The following SNX13 variants were observed in gnomAD, a reference collection of about 807,000 sequenced individuals.
SNX13 encodes sorting nexin-13.
Under a neutral mutation model 133.6 loss-of-function variants are expected in SNX13, and 45 were observed. The observed-to-expected ratio is 0.34, with a 90% CI of 0.27 to 0.43. The LOEUF is 0.43. Ranked by LOEUF, SNX13 falls within the 20% of genes least tolerant of loss-of-function variation. The probability of loss-of-function intolerance (pLI) is 1.00; values close to 1 mark genes in which losing one functional copy is unlikely to be tolerated. For synonymous variants in SNX13, 414 were observed against 373.9 expected, an observed-to-expected ratio of 1.11 and a Z score of -1.24; for missense variants, 1,032 against 1,145.1, an observed-to-expected ratio of 0.90 and a Z score of 1.43.
chr7:17,930,309 G>A (rs1038613741), intron 1 of SNX13, among the ~76,000 whole-genome samples: 2 of 152,078 alleles, frequency 1.3e-5, no homozygotes, highest in Non-Finnish European at 2.9e-5. Flanking sequence ...GCTCGGAATC[G>A]AGAAAACTTA....
At chr7:17,852,064 G>C (rs1791277618) in intron 9 of SNX13, among the ~76,000 whole-genome samples, 1 of 152,180 alleles carries the variant, frequency 6.6e-6, no homozygotes, top group African/African-American at 2.4e-5. Context: ...GTTCTAACAA[G>C]CCAAGTAAAG....
chr7:17,928,036 GT>G (rs1800960768), intron 1 of SNX13, among the ~76,000 whole-genome samples: 1 of 152,122 alleles, frequency 6.6e-6, no homozygotes, highest in South Asian at 2.1e-4. Context: ...ATATTTACAA[GT>G]TTTGACTTCT....
At chr7:17,855,875 T>C (rs1477064089) in intron 9 of SNX13, among the ~76,000 whole-genome samples, 1 of 152,236 alleles carries the variant, frequency 6.6e-6, no homozygotes. Flanking sequence ...CTATGGATAT[T>C]TGCTCTAGAT....
chr7:17,859,219 A>AT (rs1274820628), intron 9 of SNX13, among the ~76,000 whole-genome samples: 30 of 152,124 alleles, frequency 2.0e-4, no homozygotes, highest in African/African-American at 6.8e-4. Flanking sequence ...TCTATGTAGA[A>AT]TATACGAAGC....
rs1007175037 is a variant in SNX13, at chr7:17,862,391, T to G, written c.837+6016A>C. Among the ~76,000 whole-genome samples, 18 of 152,162 alleles carry G rather than the reference T, an allele frequency of 1.2e-4. 1 individual carries two copies. The highest frequency in any genetic ancestry group is 9.2e-4 in the Admixed American group (14 of 15,276). On this transcript the variant is annotated intron_variant, in intron 9 of 25. Transcript: ENST00000428135. ...ATTTTGCATGTAAGTTTCTACCGCTTAAAAACATACTATTTTATTACATAA... is the reference window on the plus strand; with the variant it reads ...ATTTTGCATGTAAGTTTCTACCGCTGAAAAACATACTATTTTATTACATAA...
At chr7:17,874,661 C>G (rs1794503075) in intron 7 of SNX13, among the ~76,000 whole-genome samples, 1 of 152,212 alleles carries the variant, frequency 6.6e-6, no homozygotes, top group Non-Finnish European at 1.5e-5. Flanking sequence ...AAGGGCTTTT[C>G]TATAGTTGTT....
intron 20 of SNX13, among the ~76,000 whole-genome samples, chr7:17,805,029 A>G (rs959956898): frequency 6.6e-6 from 1 of 152,224 alleles, no homozygotes; most frequent in African/African-American, 2.4e-5. Flanking sequence ...AGCTCAGCCA[A>G]TAGTACCATA....
chr7:17,926,010 C>T (rs1006546903), intron 1 of SNX13, among the ~76,000 whole-genome samples: 6 of 152,044 alleles, frequency 3.9e-5, no homozygotes, highest in African/African-American at 1.2e-4. Flanking sequence ...TTTTTAAATT[C>T]TTTAGCCTGG....
intron 9 of SNX13, among the ~76,000 whole-genome samples, chr7:17,855,623 T>C (rs917186607): frequency 6.6e-6 from 1 of 152,222 alleles, no homozygotes; most frequent in Non-Finnish European, 1.5e-5. Context: ...TAATAGCATG[T>C]CTGTTTACAA....
chr7:17,875,168 A>AT (rs1271651898), intron 7 of SNX13, among the ~76,000 whole-genome samples: 1 of 152,008 alleles, frequency 6.6e-6, no homozygotes, highest in Non-Finnish European at 1.5e-5. Flanking sequence ...GGGTTTCGCC[A>AT]TGTTGCCTAG....
chr7:17,829,685 C>T (rs1788269675), intron 16 of SNX13, among the ~76,000 whole-genome samples: 1 of 150,902 alleles, frequency 6.6e-6, no homozygotes, highest in African/African-American at 2.4e-5. Flanking sequence ...CCTATCATAG[C>T]AATTTAGTAA....
At position 17,792,933 on chromosome 7, in the gene SNX13, A is replaced by T. The variant is rs1241576381; in HGVS notation, c.*1112T>A. On this transcript the variant is annotated 3_prime_UTR_variant, in exon 26 of 26. Coordinates refer to ENST00000428135, the MANE Select transcript of SNX13 (RefSeq NM_015132.5). ...CTTGCCTACTAGCTTTATTTTGTAG[A>T]ACTTTACATTATGTGAAATATAAAT... 6.6e-6 allele frequency: 1 copy of T among 152,282 alleles called. No homozygotes were observed. The highest frequency in any genetic ancestry group is 2.4e-5 in the African/African-American group (1 of 41,426). The allele number at this position is 152,282 out of a possible 1,614,324, so 9.4% of individuals were successfully genotyped here. A position where few individuals can be genotyped will look rare whatever the true frequency, so the allele number is the denominator to read the frequency against.
At chr7:17,901,137 G>A (rs903070349) in intron 1 of SNX13, among the ~76,000 whole-genome samples, 6 of 152,148 alleles carry the variant, frequency 3.9e-5, no homozygotes, top group Non-Finnish European at 5.9e-5. Context: ...TGGAACAGGG[G>A]CCTCAGGACT....
At chr7:17,876,530 T>C (rs1454478532) in intron 5 of SNX13, among the ~76,000 whole-genome samples, 1 of 140,578 alleles carries the variant, frequency 7.1e-6, no homozygotes, top group Non-Finnish European at 1.5e-5. Flanking sequence ...CAGTGAGCTG[T>C]GACCACACCA....
chr7:17,911,468 G>A (rs940608451), intron 1 of SNX13, among the ~76,000 whole-genome samples: 1 of 151,796 alleles, frequency 6.6e-6, no homozygotes, highest in African/African-American at 2.4e-5. Context: ...GTGAAACCCC[G>A]CCTCTACCAA....
intron 15 of SNX13, chr7:17,831,443 AAAGG>A (rs1788476012): frequency 3.2e-6 from 3 of 930,122 alleles, no homozygotes; most frequent in Non-Finnish European, 2.6e-6. Flanking sequence ...GAGAAAGGGC[AAAGG>A]AAGAAATGAG....
rs761272775 is a variant in SNX13 at position 17,891,643 on chromosome 7, G to A, written c.229-8C>T. 7 of 1,600,780 alleles carry A rather than the reference G, an allele frequency of 4.4e-6. No individual in the cohort carries two copies. The Admixed American group carries it at 1.2e-4, about 27-fold the overall frequency. Reference sequence around the variant, plus strand: ...TTTCATTTCTTCTAAGCACTTAAAGGAAATCAAAATATCTTACTGAGTAGT... The same window carrying A: ...TTTCATTTCTTCTAAGCACTTAAAGAAAATCAAAATATCTTACTGAGTAGT... On this transcript the variant is annotated splice_polypyrimidine_tract_variant and splice_region_variant and intron_variant, in intron 3 of 25. Coordinates refer to ENST00000428135, the MANE Select transcript of SNX13 (RefSeq NM_015132.5).
In SNX13 at chr7:17,869,993, A is replaced by T. The variant is rs1390400993; in HGVS notation, c.754-1503T>A. Among the ~76,000 whole-genome samples the T allele has an allele frequency of 2.0e-5, 3 of 152,256 alleles. No individual in the cohort carries two copies. In the East Asian group the frequency reaches 5.8e-4, roughly 29 times the overall value. On this transcript the variant is annotated intron_variant, in intron 8 of 25. Transcript: ENST00000428135. Reference sequence around the variant, plus strand: ...GTGTTTCTTATTAGTTGGTGCAATGAGTCGATTTGTATTAGAAAACTTCTA... The same window carrying T: ...GTGTTTCTTATTAGTTGGTGCAATGTGTCGATTTGTATTAGAAAACTTCTA...
At chr7:17,887,603 A>G (rs1796154248) in intron 5 of SNX13, among the ~76,000 whole-genome samples, 1 of 152,374 alleles carries the variant, frequency 6.6e-6, no homozygotes, top group East Asian at 1.9e-4. Flanking sequence ...CAAAAAATGT[A>G]TGTGTTTTGT....
Sources: gnomAD v4.1 joint callset for allele counts (sites outside exome capture counted in the v4.1 genomes callset) on GRCh38, gnomAD v4.1.1 for gene constraint, MANE v1.5 for transcripts, NCBI Gene and HGNC (gene_info 2026-07-23, HGNC 2026-07-21) for gene names.